Variants in JARID2 observed in about 807,000 individuals in gnomAD.
JARID2 encodes protein Jumonji.
In JARID2, 21 loss-of-function variants were observed where a neutral mutation model predicts 125.6. That is an observed-to-expected ratio of 0.17 (90% CI 0.12 to 0.24). The LOEUF is 0.24. Among genes scored for constraint, JARID2 ranks in the 10% least tolerant of loss-of-function variants. The pLI, the probability that JARID2 is intolerant of heterozygous loss-of-function variation, is 1.00. For missense variants in JARID2, 1,303 were observed against 1,639.6 expected, an observed-to-expected ratio of 0.79 and a Z score of 3.55; for synonymous variants, 736 against 661.6, an observed-to-expected ratio of 1.11 and a Z score of -1.73.
At chr6:15,417,316 G>C (rs767858074) in intron 3 of JARID2, among the ~76,000 whole-genome samples, 42 of 149,934 alleles carry the variant, frequency 2.8e-4, no homozygotes, top group Non-Finnish European at 5.3e-4. Flanking sequence ...AACAGGTATT[G>C]TATCATACCT....
intron 3 of JARID2, among the ~76,000 whole-genome samples, chr6:15,437,249 G>A (rs547637542): frequency 6.6e-6 from 1 of 152,200 alleles, no homozygotes; most frequent in East Asian, 1.9e-4. Flanking sequence ...CATACTTTAT[G>A]TTGTGAGGCT....
At chr6:15,512,179 G>A (rs767402883) in intron 13 of JARID2, 29 bp from the exon 14 acceptor site, 17 of 1,604,424 alleles carry the variant, frequency 1.1e-5, no homozygotes, top group Middle Eastern at 3.3e-4. Context: ...CACAGGGAGG[G>A]GTGCCTCAGC....
chr6:15,399,672 C>T (rs1765351045), intron 2 of JARID2, among the ~76,000 whole-genome samples: 2 of 152,206 alleles, frequency 1.3e-5, no homozygotes, highest in African/African-American at 2.4e-5. Context: ...CATCTACCTT[C>T]AGGGTTTTTG....
chr6:15,284,088 G>A (rs1760899872), intron 1 of JARID2, among the ~76,000 whole-genome samples: 1 of 152,076 alleles, frequency 6.6e-6, no homozygotes, highest in African/African-American at 2.4e-5. Context: ...TCTTTTATGG[G>A]TTTTATGTCT....
chr6:15,291,529 T>C (rs1248982815), intron 1 of JARID2, among the ~76,000 whole-genome samples: 1 of 152,130 alleles, frequency 6.6e-6, no homozygotes, highest in African/African-American at 2.4e-5. Context: ...GGGAGTTTCT[T>C]GGATGAGAGG....
chr6:15,453,001 A>G (rs914499488), intron 4 of JARID2, among the ~76,000 whole-genome samples: 1 of 152,204 alleles, frequency 6.6e-6, no homozygotes, highest in African/African-American at 2.4e-5. Context: ...TATTTGATAA[A>G]TATTTTGATA....
At chr6:15,516,711 C>T (rs73369524) in intron 16 of JARID2, among the ~76,000 whole-genome samples, 206 of 152,252 alleles carry the variant, frequency 1.4e-3, no homozygotes, top group African/African-American at 4.6e-3. Context: ...CCCGGGTGGC[C>T]GCCTAAGTTG....
chr6:15,290,307 T>C lies in JARID2; in HGVS notation c.45+43723T>C, dbSNP rs559864149. ...TATTGATGTGCTGGCTGATAAACTT[T>C]AGATTGTTTCCCATTTTTGGCTGTT... On this transcript the variant is annotated intron_variant, in intron 1 of 17. Coordinates refer to ENST00000341776, the MANE Select transcript of JARID2 (RefSeq NM_004973.4). Among the ~76,000 whole-genome samples the C allele has an allele frequency of 2.6e-5, 4 of 152,386 alleles. 1 individual carries two copies. Among genetic ancestry groups the C allele is most frequent in the Admixed American group, 2.6e-4 (4 of 15,304 alleles).
At chr6:15,331,141 T>C (rs555981325) in intron 1 of JARID2, among the ~76,000 whole-genome samples, 5 of 152,010 alleles carry the variant, frequency 3.3e-5, no homozygotes, top group African/African-American at 1.2e-4. Flanking sequence ...GAGACTAGCC[T>C]GGGTGATATG....
At chr6:15,298,889 A>G (rs1404851788) in intron 1 of JARID2, among the ~76,000 whole-genome samples, 1 of 151,410 alleles carries the variant, frequency 6.6e-6, no homozygotes, top group Non-Finnish European at 1.5e-5. Flanking sequence ...TACTTACAAA[A>G]ACACTCCCTT....
At chr6:15,344,313 A>G (rs1432255554) in intron 1 of JARID2, among the ~76,000 whole-genome samples, 2 of 151,972 alleles carry the variant, frequency 1.3e-5, no homozygotes, top group East Asian at 1.9e-4. Flanking sequence ...TAACTTAGAT[A>G]AAGCACACTC....
At chr6:15,330,080 T>G (rs1445709703) in intron 1 of JARID2, among the ~76,000 whole-genome samples, 1 of 152,226 alleles carries the variant, frequency 6.6e-6, no homozygotes, top group Non-Finnish European at 1.5e-5. Context: ...ATATATGTGC[T>G]CTAGGAGTGA....
At chr6:15,258,483 C>G (rs1322538661) in intron 1 of JARID2, among the ~76,000 whole-genome samples, 3 of 152,134 alleles carry the variant, frequency 2.0e-5, no homozygotes, top group Admixed American at 1.3e-4. Context: ...GTGTGAAGTG[C>G]TTTATGAACT....
chr6:15,441,714 T>G (rs1767453172), intron 3 of JARID2, among the ~76,000 whole-genome samples: 1 of 152,058 alleles, frequency 6.6e-6, no homozygotes, highest in African/African-American at 2.4e-5. Context: ...CCATCTGGTA[T>G]GATATTTCTG....
intron 1 of JARID2, among the ~76,000 whole-genome samples, chr6:15,330,496 A>G (rs1284856784): frequency 6.6e-6 from 1 of 152,182 alleles, no homozygotes; most frequent in Non-Finnish European, 1.5e-5. Context: ...TCTTCCAATA[A>G]TGTTAATTGT....
chr6:15,272,124 C>A (rs1486005659), intron 1 of JARID2, among the ~76,000 whole-genome samples: 1 of 151,912 alleles, frequency 6.6e-6, no homozygotes, highest in Non-Finnish European at 1.5e-5. Context: ...GACTCTGTCT[C>A]AAAAAAACGA....
At chr6:15,429,258 T>C (rs1038138987) in intron 3 of JARID2, among the ~76,000 whole-genome samples, 1 of 152,074 alleles carries the variant, frequency 6.6e-6, no homozygotes, top group Non-Finnish European at 1.5e-5. Flanking sequence ...AGGAATCTTT[T>C]TCTTGTTCTT....
chr6:15,425,736 G>A (rs993681556), intron 3 of JARID2, among the ~76,000 whole-genome samples: 3 of 152,088 alleles, frequency 2.0e-5, no homozygotes, highest in Non-Finnish European at 4.4e-5. Context: ...TATATGTTAC[G>A]CAGTGTTAAG....
chr6:15,387,053 G>A (rs9464787), intron 2 of JARID2, among the ~76,000 whole-genome samples: 61,485 of 152,084 alleles, frequency 0.4, 12,497 homozygotes, highest in Admixed American at 0.46. Flanking sequence ...CTCAGCCTGG[G>A]TGTGTATTAA....
Sources: gnomAD v4.1 joint callset for allele counts (sites outside exome capture counted in the v4.1 genomes callset) on GRCh38, gnomAD v4.1.1 for gene constraint, MANE v1.5 for transcripts, NCBI Gene and HGNC (gene_info 2026-07-23, HGNC 2026-07-21) for gene names.